The following APBB1IP variants were observed in gnomAD, a reference collection of about 807,000 sequenced individuals.
The protein encoded by APBB1IP is amyloid beta A4 precursor protein-binding family B member 1-interacting protein.
Under a neutral mutation model 64.9 loss-of-function variants are expected in APBB1IP, and 27 were observed. The observed-to-expected ratio is 0.42, with a 90% CI of 0.31 to 0.57. APBB1IP has a LOEUF of 0.57. Among genes scored for constraint, APBB1IP ranks in the 20% least tolerant of loss-of-function variants. APBB1IP has a pLI of 0.20. For missense variants in APBB1IP, 812 were observed against 845.5 expected (o/e 0.96, Z 0.49); for synonymous variants, 392 against 331.0 (o/e 1.18, Z -2.00).
intron 2 of APBB1IP, among the ~76,000 whole-genome samples, chr10:26,452,159 AGTGT>A (rs1256961404): frequency 6.6e-6 from 1 of 151,754 alleles, no homozygotes; most frequent in East Asian, 1.9e-4. Flanking sequence ...GACAAAAAAA[AGTGT>A]GTTTATTCCT....
chr10:26,549,557 C>G (rs865895204), intron 11 of APBB1IP, among the ~76,000 whole-genome samples: 61 of 152,026 alleles, frequency 4.0e-4, no homozygotes, highest in African/African-American at 1.3e-3. Flanking sequence ...TTATATGCAT[C>G]TAGGATTTTA....
chr10:26,523,804 A>T (rs976055928), intron 8 of APBB1IP, among the ~76,000 whole-genome samples: 10 of 148,048 alleles, frequency 6.8e-5, no homozygotes, highest in African/African-American at 9.8e-5. Flanking sequence ...TCATTTCTTT[A>T]AAAAAAAATA....
chr10:26,544,765 A>G (rs997997505), intron 11 of APBB1IP, among the ~76,000 whole-genome samples: 2 of 152,240 alleles, frequency 1.3e-5, no homozygotes, highest in African/African-American at 2.4e-5. Context: ...TACAATTGGC[A>G]GGACTTGAAC....
intron 2 of APBB1IP, among the ~76,000 whole-genome samples, chr10:26,467,072 ATGT>A (rs1175472012): frequency 6.6e-6 from 1 of 152,038 alleles, no homozygotes; most frequent in African/African-American, 2.4e-5. Context: ...ATCATTTGTA[ATGT>A]TTTTTTTTAA....
chr10:26,476,446 C>CAAAAAAAAAA (rs58548133), intron 2 of APBB1IP, among the ~76,000 whole-genome samples: 7 of 78,164 alleles, frequency 9.0e-5, no homozygotes, highest in East Asian at 4.0e-4. Flanking sequence ...GACCCTGTCT[C>CAAAAAAAAAA]AAAAAAAAAA....
At chr10:26,460,357 C>G (rs1432672229) in intron 2 of APBB1IP, among the ~76,000 whole-genome samples, 2 of 152,272 alleles carry the variant, frequency 1.3e-5, no homozygotes, top group East Asian at 3.9e-4. Flanking sequence ...ATGCACTTGT[C>G]CATCTCAAAT....
intron 4 of APBB1IP, among the ~76,000 whole-genome samples, chr10:26,499,537 A>G (rs1056081475): frequency 1.3e-5 from 2 of 152,132 alleles, no homozygotes; most frequent in East Asian, 1.9e-4. Context: ...AGTCTGTTTC[A>G]TCATATCTAT....
At chr10:26,538,555 T>G (rs1036556390) in intron 10 of APBB1IP, among the ~76,000 whole-genome samples, 18 of 150,736 alleles carry the variant, frequency 1.2e-4, no homozygotes, top group African/African-American at 4.1e-4. Context: ...GCAGAAGAAT[T>G]GCTTGAACCC....
chr10:26,536,751 G>T (rs1245940006), intron 10 of APBB1IP, among the ~76,000 whole-genome samples: 1 of 126,412 alleles, frequency 7.9e-6, no homozygotes, highest in Non-Finnish European at 1.6e-5. Flanking sequence ...GACTACAGGT[G>T]CATGCCACCA....
Position 26,533,453 on chromosome 10 carries a change from T to A in APBB1IP, c.828T>A (p.Asp276Glu). The A allele has an allele frequency of 6.3e-7, 1 of 1,596,308 alleles. No individual in the cohort carries two copies. Among genetic ancestry groups the A allele is most frequent in the Non-Finnish European group, 8.6e-7 (1 of 1,168,694 alleles). Residue 276 changes from aspartate (D) to glutamate (E), a missense_variant, in exon 9 of 15, where the codon GAT becomes GAA. Asp to Glu is a conservative substitution (Grantham distance 45). Coordinates refer to ENST00000376236, the MANE Select transcript of APBB1IP (RefSeq NM_019043.4). The part of the protein sequence containing the change: ...VFKNPQNFYL[D>E]NRGKKESKET... ...ATTTTATTTAGAATTTCTACTTGGA[T>A]AACAGAGGAAAAAAAGAAAGCAAGG...
chr10:26,524,014 G>A (rs911415318), intron 8 of APBB1IP, among the ~76,000 whole-genome samples: 5 of 152,026 alleles, frequency 3.3e-5, no homozygotes, highest in African/African-American at 1.2e-4. Flanking sequence ...TCAGAACACA[G>A]TGCCCCTAAA....
chr10:26,550,558 C>T (rs10829024), intron 11 of APBB1IP, among the ~76,000 whole-genome samples: 33,448 of 151,694 alleles, frequency 0.22, 4,320 homozygotes, highest in Non-Finnish European at 0.28. Context: ...TTTCATTTTT[C>T]ATTTTGTTTG....
intron 2 of APBB1IP, among the ~76,000 whole-genome samples, chr10:26,468,110 G>A (rs1835669623): frequency 6.6e-6 from 1 of 152,140 alleles, no homozygotes; most frequent in Admixed American, 6.5e-5. Flanking sequence ...AACATCCACA[G>A]TAAATGAAAA....
At chr10:26,494,074 T>G (rs1835990976) in intron 3 of APBB1IP, among the ~76,000 whole-genome samples, 1 of 152,146 alleles carries the variant, frequency 6.6e-6, no homozygotes, top group Non-Finnish European at 1.5e-5. Flanking sequence ...TAGTAAAGAC[T>G]TTTTACCAAC....
intron 14 of APBB1IP, among the ~76,000 whole-genome samples, 163 bp from the exon 15 acceptor site, chr10:26,566,798 G>A (rs1285359542): frequency 6.6e-6 from 1 of 151,986 alleles, no homozygotes; most frequent in Non-Finnish European, 1.5e-5. Flanking sequence ...CGAGGCAGGA[G>A]GATTGCTTGA....
At position 26,496,289 on chromosome 10, in the gene APBB1IP, G is replaced by A. The variant is rs1231936152; in HGVS notation, c.73-15G>A. The A allele has an allele frequency of 6.3e-7, 1 of 1,591,668 alleles. No homozygotes were observed. The highest frequency in any genetic ancestry group is 8.6e-7 in the Non-Finnish European group (1 of 1,162,070). Reference sequence around the variant, plus strand: ...GTATCATGAATAACTTTGATGGGGGGATCTTTTTTCACAGAGTTTAGGAGT... The same window carrying A: ...GTATCATGAATAACTTTGATGGGGGAATCTTTTTTCACAGAGTTTAGGAGT... On this transcript the variant is annotated splice_polypyrimidine_tract_variant and intron_variant, in intron 3 of 14. Transcript: ENST00000376236.
At chr10:26,503,651 GA>G (rs1836135054) in intron 6 of APBB1IP, among the ~76,000 whole-genome samples, 1 of 151,874 alleles carries the variant, frequency 6.6e-6, no homozygotes, top group South Asian at 2.1e-4. Context: ...AAGAAAAAAA[GA>G]AAAAAAGAAA....
At chr10:26,468,972 T>C (rs1002485845) in intron 2 of APBB1IP, among the ~76,000 whole-genome samples, 6 of 152,202 alleles carry the variant, frequency 3.9e-5, no homozygotes, top group Admixed American at 1.3e-4. Flanking sequence ...TGCCTTCCTC[T>C]GATCTCTGTG....
chr10:26,562,147 T>G, intron 13 of APBB1IP, 179 bp from the exon 14 acceptor site: 1 of 529,264 alleles, frequency 1.9e-6, no homozygotes, highest in Non-Finnish European at 3.4e-6. Flanking sequence ...TTGTGTACCA[T>G]GCCATGCCTG....
Sources: allele counts gnomAD v4.1 joint callset (sites outside exome capture counted in the v4.1 genomes callset), GRCh38; gene constraint gnomAD v4.1.1; transcripts MANE v1.5; gene names NCBI Gene and HGNC (gene_info 2026-07-23, HGNC 2026-07-21).